The following SAMD5 variants were observed in gnomAD, a reference collection of about 807,000 sequenced individuals.
SAMD5 encodes sterile alpha motif domain-containing protein 5.
Under a neutral mutation model 11.3 loss-of-function variants are expected in SAMD5, and 13 were observed. The ratio of observed to expected loss-of-function variants is 1.15; its 90% confidence interval spans 0.75 to 1.83. SAMD5 has a LOEUF of 1.83. SAMD5 is among the 40% of genes most tolerant of loss of function. The pLI, the probability that SAMD5 is intolerant of heterozygous loss-of-function variation, is 0.00. For synonymous variants in SAMD5, 129 were observed against 111.3 expected (o/e 1.16, Z -1.00); for missense variants, 255 against 239.1 (o/e 1.07, Z -0.44).
chr6:147,820,037 GTC>G, the SAMD5 span, among the ~76,000 whole-genome samples: 1 of 152,184 alleles, frequency 6.6e-6, no homozygotes, highest in Non-Finnish European at 1.5e-5. Flanking sequence ...CATTTCCAAA[GTC>G]TATGGGAGGT....
the SAMD5 span, among the ~76,000 whole-genome samples, chr6:147,860,265 T>C: frequency 6.6e-6 from 1 of 152,202 alleles, no homozygotes; most frequent in Non-Finnish European, 1.5e-5. Flanking sequence ...TCTTCTCTTT[T>C]ATAAAGACAC....
rs1224443140 is a variant in SAMD5, at chr6:147,567,084, G to GAGTC, written c.*2629_*2632dup. 3.1e-6 allele frequency: 3 copies of GAGTC among 974,538 alleles called. No individual in the cohort carries two copies. Among genetic ancestry groups the GAGTC allele is most frequent in the Non-Finnish European group, 1.2e-6 (1 of 820,098 alleles). The allele number at this position is 974,538 out of a possible 1,614,324, so 60.4% of individuals were successfully genotyped here. A position where few individuals can be genotyped will look rare whatever the true frequency, so the allele number is the denominator to read the frequency against. ...CAGACTTTCACTTGATAATATTGAG[G>GAGTC]AGTCTGGAGGGTCATAGCAAAATTT... On this transcript the variant is annotated 3_prime_UTR_variant, in exon 2 of 2. Coordinates refer to ENST00000367474, the MANE Select transcript of SAMD5 (RefSeq NM_001030060.3).
chr6:147,909,720 A>T, the SAMD5 span, among the ~76,000 whole-genome samples: 1 of 151,338 alleles, frequency 6.6e-6, no homozygotes, highest in Non-Finnish European at 1.5e-5. Context: ...TTGTTTGCTT[A>T]TTGTCCATAC....
At chr6:147,727,070 A>C (rs1791639371) in intron 1 of SAMD5, among the ~76,000 whole-genome samples, 1 of 152,176 alleles carries the variant, frequency 6.6e-6, no homozygotes, top group Non-Finnish European at 1.5e-5. Flanking sequence ...TTTCAGGCCC[A>C]AATACAAAGT....
the SAMD5 span, among the ~76,000 whole-genome samples, chr6:147,890,753 GTT>G: frequency 1.1e-4 from 16 of 146,364 alleles, no homozygotes; most frequent in Admixed American, 2.1e-4. Context: ...TATTTGGATA[GTT>G]TTTTTTTTTT....
At chr6:147,551,493 AGTGTGATTTTT>A (rs1788771161) in intron 1 of SAMD5, among the ~76,000 whole-genome samples, 2 of 152,210 alleles carry the variant, frequency 1.3e-5, no homozygotes, top group South Asian at 4.2e-4. Context: ...TTACCATGCG[AGTGTGATTTTT>A]AACTAAGCCT....
the SAMD5 span, among the ~76,000 whole-genome samples, chr6:147,842,137 T>G: frequency 6.6e-6 from 1 of 152,120 alleles, no homozygotes; most frequent in African/African-American, 2.4e-5. Flanking sequence ...ATCTATTAAA[T>G]GGTTAAAAAA....
At chr6:147,939,161 C>T in the SAMD5 span, among the ~76,000 whole-genome samples, 1 of 152,168 alleles carries the variant, frequency 6.6e-6, no homozygotes, top group Admixed American at 6.5e-5. Context: ...GAAGAGATGC[C>T]CAGGGCATGT....
chr6:147,864,044 A>G, the SAMD5 span, among the ~76,000 whole-genome samples: 2 of 151,840 alleles, frequency 1.3e-5, no homozygotes, highest in Non-Finnish European at 2.9e-5. Flanking sequence ...GGGTTTCACC[A>G]TGTTGGCCAG....
Position 147,564,555 on chromosome 6 carries a change from C to A in SAMD5, c.*99C>A. On this transcript the variant is annotated 3_prime_UTR_variant, in exon 2 of 2. Coordinates refer to ENST00000367474, the MANE Select transcript of SAMD5 (RefSeq NM_001030060.3). ...TTTCAAAAAGGGAAATGGATGATGA[C>A]CCTGGAAATACTCATCAGCTTAACT... 2.7e-6 allele frequency: 3 copies of A among 1,112,282 alleles called. No individual in the cohort carries two copies. Among genetic ancestry groups the A allele is most frequent in the Non-Finnish European group, 4.0e-6 (3 of 749,388 alleles). 68.9% of individuals were successfully genotyped at this position (1,112,282 alleles called of 1,614,324 possible).
chr6:147,668,825 C>T (rs1562347466), intron 1 of SAMD5, among the ~76,000 whole-genome samples: 1 of 151,942 alleles, frequency 6.6e-6, no homozygotes, highest in East Asian at 1.9e-4. Flanking sequence ...AAGACTGTCT[C>T]AAATTAAAAA....
chr6:147,881,848 C>T, the SAMD5 span, among the ~76,000 whole-genome samples: 2 of 152,098 alleles, frequency 1.3e-5, no homozygotes, highest in African/African-American at 4.8e-5. Context: ...TAACATGATG[C>T]CCTTGGCTTC....
At position 147,630,846 on chromosome 6, in the gene SAMD5, G is replaced by C. The variant is rs533357534; in HGVS notation, c.163-106471G>C. On this transcript the variant is annotated intron_variant, in intron 1 of 1. Coordinates refer to the SAMD5 transcript ENST00000566741. ...CTTTCCTTTTCTGGTAGAGACAGAGGAGATGCGTTTTATCCATAAACCCAA... is the reference window on the plus strand; with the variant it reads ...CTTTCCTTTTCTGGTAGAGACAGAGCAGATGCGTTTTATCCATAAACCCAA... 1.2e-4 allele frequency among the ~76,000 whole-genome samples: 19 copies of C among 152,282 alleles called. No homozygotes were observed. The East Asian group carries it at 3.3e-3, about 26-fold the overall frequency.
At chr6:147,528,036 C>T (rs949861235) in intron 1 of SAMD5, among the ~76,000 whole-genome samples, 31 of 152,068 alleles carry the variant, frequency 2.0e-4, no homozygotes, top group African/African-American at 7.2e-4. Flanking sequence ...TGAGAACTCA[C>T]TCACTGTACA....
chr6:147,764,572 C>A, the SAMD5 span, among the ~76,000 whole-genome samples: 1 of 152,106 alleles, frequency 6.6e-6, no homozygotes. Flanking sequence ...ATCATTACTA[C>A]AAGTCTGGAA....
chr6:147,666,338 A>G (rs1360144310), intron 1 of SAMD5, among the ~76,000 whole-genome samples: 1 of 152,184 alleles, frequency 6.6e-6, no homozygotes, highest in Non-Finnish European at 1.5e-5. Context: ...GTTTATTGCA[A>G]TGTGTATTTT....
At chr6:147,810,898 A>T in the SAMD5 span, among the ~76,000 whole-genome samples, 2 of 152,228 alleles carry the variant, frequency 1.3e-5, no homozygotes, top group Non-Finnish European at 2.9e-5. Flanking sequence ...CATACATAAC[A>T]TTCTCCCTGA....
intron 1 of SAMD5, among the ~76,000 whole-genome samples, chr6:147,628,164 C>G (rs1790086802): frequency 6.6e-6 from 1 of 152,106 alleles, no homozygotes; most frequent in African/African-American, 2.4e-5. Context: ...GTCACAGGCT[C>G]TTGGTAAGGA....
intron 1 of SAMD5, among the ~76,000 whole-genome samples, chr6:147,670,848 G>A (rs1241247710): frequency 1.3e-5 from 2 of 152,240 alleles, no homozygotes; most frequent in South Asian, 2.1e-4. Context: ...TGTGTTCACC[G>A]TAGTAGCACT....
Sources: allele counts gnomAD v4.1 joint callset (sites outside exome capture counted in the v4.1 genomes callset), GRCh38; gene constraint gnomAD v4.1.1; transcripts MANE v1.5; gene names NCBI Gene and HGNC (gene_info 2026-07-23, HGNC 2026-07-21).